SEC24C: variants seen among roughly 807,000 people sequenced by gnomAD.
The protein encoded by SEC24C is SEC24 homolog C, COPII component, also known as protein transport protein Sec24C.
A neutral mutation model predicts 117.0 loss-of-function variants in SEC24C; 22 were observed. That is an observed-to-expected ratio of 0.19 (90% CI 0.13 to 0.27). SEC24C has a LOEUF of 0.27. SEC24C is among the 10% of genes least tolerant of loss of function. SEC24C has a pLI of 1.00. For missense variants in SEC24C, 1,155 were observed against 1,375.1 expected (o/e 0.84, Z 2.53); for synonymous variants, 506 against 529.4 (o/e 0.96, Z 0.61).
At chr10:73,766,655 A>G in intron 12 of SEC24C, 105 bp from the exon 13 acceptor site, 1 of 1,434,224 alleles carries the variant, frequency 7.0e-7, no homozygotes, top group Non-Finnish European at 9.7e-7. Flanking sequence ...GTGGCCCAGG[A>G]GTTGTCAGAT....
chr10:73,754,090 G>A (rs2082678700), intron 3 of SEC24C, among the ~76,000 whole-genome samples: 1 of 152,088 alleles, frequency 6.6e-6, no homozygotes, highest in African/African-American at 2.4e-5. Context: ...ATTGTATTAG[G>A]TATTATAAGT....
chr10:73,746,780 G>A (rs2082559684), intron 1 of SEC24C, 25 bp from the exon 2 acceptor site: 36 of 1,511,214 alleles, frequency 2.4e-5, no homozygotes, highest in Non-Finnish European at 3.2e-5. Context: ...AGTTCATTTT[G>A]ACTAATTTCT....
At chr10:73,751,466 G>T (rs1413267192) in intron 3 of SEC24C, among the ~76,000 whole-genome samples, 2 of 152,164 alleles carry the variant, frequency 1.3e-5, no homozygotes, top group Non-Finnish European at 2.9e-5. Flanking sequence ...GGCTGAGGCA[G>T]AAGAATCATG....
chr10:73,761,859 C>A (rs980393432), intron 6 of SEC24C, among the ~76,000 whole-genome samples: 1 of 152,096 alleles, frequency 6.6e-6, no homozygotes, highest in African/African-American at 2.4e-5. Context: ...CTCCTGCTTG[C>A]CTCCTGTTTG....
chr10:73,750,932 G>C (rs570676463), intron 2 of SEC24C, among the ~76,000 whole-genome samples, 176 bp from the exon 3 acceptor site: 1 of 152,310 alleles, frequency 6.6e-6, no homozygotes, highest in South Asian at 2.1e-4. Context: ...TTGGGAATCT[G>C]TGTTTAGAAT....
intron 3 of SEC24C, among the ~76,000 whole-genome samples, chr10:73,755,346 T>G (rs2132536219): frequency 6.6e-6 from 1 of 152,182 alleles, no homozygotes. Flanking sequence ...AAAGGCAGTT[T>G]CAGTGTAGAG....
At chr10:73,757,767 C>G (rs1030642326) in intron 3 of SEC24C, among the ~76,000 whole-genome samples, 1 of 150,088 alleles carries the variant, frequency 6.7e-6, no homozygotes, top group African/African-American at 2.5e-5. Flanking sequence ...AAAAAATTAG[C>G]TAGGTGTGGT....
At chr10:73,770,228 C>A in intron 20 of SEC24C, 52 bp from the exon 21 acceptor site, 1 of 1,519,770 alleles carries the variant, frequency 6.6e-7, no homozygotes, top group Non-Finnish European at 8.9e-7. Flanking sequence ...TGCGGGGGGG[C>A]AGACTTGTCT....
chr10:73,767,783 G>C, intron 14 of SEC24C, 54 bp from the exon 15 acceptor site: 4 of 1,415,934 alleles, frequency 2.8e-6, no homozygotes, highest in Non-Finnish European at 3.9e-6. Context: ...TTTTCAAATA[G>C]GGCGGAGCTG....
Position 73,760,094 on chromosome 10 carries a change from G to A in SEC24C, c.558G>A (p.Gln186=), listed in dbSNP as rs748387765. The A allele has an allele frequency of 8.1e-6, 13 of 1,613,890 alleles. No homozygotes were observed. Among genetic ancestry groups the A allele is most frequent in the Admixed American group, 1.7e-5 (1 of 59,970 alleles). The change falls in exon 5 of 23, where the codon CAG becomes CAA. Residue 186 remains glutamine (Q), a synonymous_variant. Coordinates refer to ENST00000345254, the MANE Select transcript of SEC24C (RefSeq NM_198597.3). ...SGLYGSYPQG[Q]APPLSQAQGH... ...TGTATGGCTCCTATCCTCAGGGCCA[G>A]GCTCCTCCCCTTAGCCAGGCCCAAG... is the stretch of plus-strand genomic sequence containing the variant.
At chr10:73,749,606 C>T (rs184191648) in intron 2 of SEC24C, among the ~76,000 whole-genome samples, 30 of 151,242 alleles carry the variant, frequency 2.0e-4, no homozygotes, top group African/African-American at 6.6e-4. Context: ...TGCAGTGGCA[C>T]GATCTTGGCT....
chr10:73,771,151 T>G lies in SEC24C; in HGVS notation c.*56T>G. The G allele has an allele frequency of 3.2e-6, 5 of 1,583,812 alleles. No homozygotes were observed. The highest frequency in any genetic ancestry group is 4.3e-6 in the Non-Finnish European group (5 of 1,165,252). On this transcript the variant is annotated 3_prime_UTR_variant, in exon 23 of 23. Transcript: ENST00000345254. ...CTAGCTTCCAGAAAGCACCCCAGGA[T>G]GTCAGAGAAATTGGGACAGTAACAT...
chr10:73,750,764 C>A (rs1011129725), intron 2 of SEC24C, among the ~76,000 whole-genome samples: 1 of 152,182 alleles, frequency 6.6e-6, no homozygotes, highest in African/African-American at 2.4e-5. Context: ...GGAGTAAGAT[C>A]TTTTCCTTAA....
rs749399217 is a variant in SEC24C at position 73,769,369 on chromosome 10, G to A, written c.2447G>A (p.Cys816Tyr). The A allele has an allele frequency of 9.3e-6, 15 of 1,613,890 alleles. No individual in the cohort carries two copies. The South Asian group carries it at 1.6e-4, about 18-fold the overall frequency. ...TAGTGTGCCCTGCTTTACACCAGCT[G>A]TGCAGGGCAGCGTCGGCTCCGCATC... ...LLQCALLYTS[C>Y]AGQRRLRIHN... Residue 816 changes from cysteine (C) to tyrosine (Y), a missense_variant, in exon 18 of 23, where the codon TGT becomes TAT. Physicochemically the swap from Cys to Tyr is radical, Grantham distance 194. Around this residue, in one of 2 missense-constraint regions of SEC24C, gnomAD observed 759 missense variants for 992.3 expected, o/e 0.76. Coordinates refer to ENST00000345254, the MANE Select transcript of SEC24C (RefSeq NM_198597.3). The surrounding 1 kb of genome is among the most constrained non-coding windows in gnomAD (Gnocchi z 4.5).
Position 73,751,129 on chromosome 10 carries a change from C to T in SEC24C, c.194C>T (p.Ser65Phe). Residue 65 changes from serine (S) to phenylalanine (F), a missense_variant, in exon 3 of 23, where the codon TCC (serine) becomes TTC (phenylalanine). Ser to Phe is a radical substitution (Grantham distance 155, BLOSUM62 -2). Coordinates refer to ENST00000345254, the MANE Select transcript of SEC24C (RefSeq NM_198597.3). ...PPQGMSRAPP[S>F]SGAPPASTAQ... is the part of the protein sequence containing the mutation. ...TCAGGTATGTCAAGAGCCCCACCTTCCTCGGGGGCACCTCCAGCCTCAACA... is the reference window on the plus strand; with the variant it reads ...TCAGGTATGTCAAGAGCCCCACCTTTCTCGGGGGCACCTCCAGCCTCAACA... 6.2e-7 allele frequency: 1 copy of T among 1,614,144 alleles called. No individual in the cohort carries two copies. Among genetic ancestry groups the T allele is most frequent in the Non-Finnish European group, 8.5e-7 (1 of 1,179,994 alleles).
At chr10:73,753,195 G>A (rs974970341) in intron 3 of SEC24C, among the ~76,000 whole-genome samples, 7 of 152,022 alleles carry the variant, frequency 4.6e-5, no homozygotes, top group Admixed American at 1.3e-4. Flanking sequence ...GATTGCAGGC[G>A]CCTGCCATCA....
Position 73,765,781 on chromosome 10 carries a change from A to C in SEC24C, c.1367-19A>C, listed in dbSNP as rs758265928. 6.2e-7 allele frequency: 1 copy of C among 1,604,910 alleles called. No homozygotes were observed. Among genetic ancestry groups the C allele is most frequent in the Non-Finnish European group, 8.5e-7 (1 of 1,171,708 alleles). ...TTGAAACTGGATCTTCGAGTAACAC[A>C]CTGCCATGCTTCCCACAGTTCCCCC... On this transcript the variant is annotated intron_variant, in intron 9 of 22. Transcript: ENST00000345254.
rs756432776 is a variant in SEC24C at position 73,769,803 on chromosome 10, T to C, written c.2683-33T>C. On this transcript the variant is annotated intron_variant, in intron 19 of 22. Transcript: ENST00000345254. This position sits in a 1 kb window ranked among gnomAD's most constrained non-coding sequence, Gnocchi z 4.5. ...GTTTGCATTTGGGAGGGATTTCTCA[T>C]GATCATTGACTTTATTTTGATAATC... The C allele has an allele frequency of 1.2e-6, 2 of 1,612,926 alleles. No homozygotes were observed. Among genetic ancestry groups the C allele is most frequent in the East Asian group, 4.5e-5 (2 of 44,872 alleles).
intron 1 of SEC24C, among the ~76,000 whole-genome samples, chr10:73,744,703 C>G (rs1158913838): frequency 6.6e-6 from 1 of 152,100 alleles, no homozygotes; most frequent in Non-Finnish European, 1.5e-5. Flanking sequence ...CAGAGCAGCC[C>G]CCTCTCTTAA....
Sources: gnomAD v4.1 joint callset for allele counts (sites outside exome capture counted in the v4.1 genomes callset) on GRCh38, gnomAD v4.1.1 for gene constraint, gnomAD v4.1.1 regional missense constraint, Gnocchi (gnomAD v3.1) non-coding constraint, MANE v1.5 for transcripts, NCBI Gene and HGNC (gene_info 2026-07-23, HGNC 2026-07-21) for gene names.